Variants in IP6K2 observed in about 807,000 individuals in gnomAD.
IP6K2 encodes ATP:1D-myo-inositol-hexakisphosphate phosphotransferase.
A neutral mutation model predicts 43.3 loss-of-function variants in IP6K2; 9 were observed. The observed-to-expected ratio is 0.21, with a 90% CI of 0.13 to 0.36. IP6K2 has a LOEUF of 0.36. Ranked by LOEUF, IP6K2 falls within the 10% of genes least tolerant of loss-of-function variation. IP6K2 has a pLI of 1.00. For missense variants in IP6K2, 332 were observed against 538.4 expected (o/e 0.62, Z 3.79); for synonymous variants, 209 against 202.4 (o/e 1.03, Z -0.28).
intron 4 of IP6K2, among the ~76,000 whole-genome samples, chr3:48,690,587 T>C (rs917831871): frequency 6.6e-6 from 1 of 151,732 alleles, no homozygotes; most frequent in Non-Finnish European, 1.5e-5. Context: ...GTCAGGAGTT[T>C]GGATCAGCCT....
intron 1 of IP6K2, among the ~76,000 whole-genome samples, chr3:48,711,902 A>C (rs2080561853): frequency 6.6e-6 from 1 of 152,092 alleles, no homozygotes; most frequent in African/African-American, 2.4e-5. Flanking sequence ...ATATAACTCC[A>C]CAGGGCACCC....
chr3:48,713,840 G>A (rs867238925), intron 1 of IP6K2, among the ~76,000 whole-genome samples: 39 of 151,726 alleles, frequency 2.6e-4, no homozygotes, highest in Non-Finnish European at 2.5e-4. Context: ...GGCCAGGTGC[G>A]GTGCAGTGGC....
intron 1 of IP6K2, among the ~76,000 whole-genome samples, chr3:48,709,666 G>A (rs907176248): frequency 1.3e-5 from 2 of 151,944 alleles, no homozygotes; most frequent in Non-Finnish European, 2.9e-5. Flanking sequence ...GTGAAACCCC[G>A]TCTCTACTAA....
rs971403793 is a variant in IP6K2 at position 48,697,481 on chromosome 3, CCTGG to C, written c.-130-2064_-130-2061del. 1.1e-4 allele frequency among the ~76,000 whole-genome samples: 16 copies of C among 142,016 alleles called. No homozygotes were observed. The Admixed American group carries it at 1.2e-3, about 10-fold the overall frequency. 93.2% of individuals were successfully genotyped at this position (142,016 alleles called of 152,430 possible). On this transcript the variant is annotated intron_variant, in intron 1 of 5. Transcript: ENST00000328631. The stretch of plus-strand genomic sequence containing the variant: ...GCTGGGACTACAGGCACCCACCATG[CCTGG>C]CTATTTTTTTTTTTTTTTTTTTTTT...
intron 1 of IP6K2, among the ~76,000 whole-genome samples, chr3:48,714,806 C>CCACTG (rs1464622302): frequency 6.8e-6 from 1 of 147,962 alleles, no homozygotes; most frequent in Non-Finnish European, 1.5e-5. Context: ...CGAGATCGCA[C>CCACTG]CACTGCACTT....
At chr3:48,710,873 T>C (rs1156983850) in intron 1 of IP6K2, among the ~76,000 whole-genome samples, 1 of 152,176 alleles carries the variant, frequency 6.6e-6, no homozygotes, top group Non-Finnish European at 1.5e-5. Context: ...CCGCCCAAAG[T>C]GCTGGGATTA....
intron 1 of IP6K2, among the ~76,000 whole-genome samples, chr3:48,702,503 G>C (rs533489350): frequency 2.8e-4 from 42 of 151,386 alleles, no homozygotes; most frequent in African/African-American, 1.0e-3. Flanking sequence ...AAGTGCAGTG[G>C]CGTAATCACG....
chr3:48,689,202 G>A (rs1368438879), intron 5 of IP6K2, among the ~76,000 whole-genome samples: 1 of 152,202 alleles, frequency 6.6e-6, no homozygotes, highest in Non-Finnish European at 1.5e-5. Flanking sequence ...GCCCAGGCTG[G>A]AGTGCAATGG....
intron 2 of IP6K2, chr3:48,694,006 C>G: frequency 5.6e-5 from 77 of 1,384,242 alleles, no homozygotes; most frequent in Admixed American, 3.5e-4. Context: ...ACTGGCTGAA[C>G]ACCTTTCCTC....
chr3:48,696,112 T>TTGACCTCA (rs1401484489), intron 1 of IP6K2, among the ~76,000 whole-genome samples: 1 of 151,926 alleles, frequency 6.6e-6, no homozygotes, highest in Non-Finnish European at 1.5e-5. Flanking sequence ...TCTTGATCTC[T>TTGACCTCA]TGACCTCATG....
rs1010171835 is a variant in IP6K2 at position 48,688,882 on chromosome 3, A to G, written c.781-109T>C. ...GGCGGCATGTGACAGCCCAGATCAG[A>G]TAAAGTACACCAGTTGCACATGAGC... On this transcript the variant is annotated intron_variant, in intron 5 of 5. Coordinates refer to ENST00000328631, the MANE Select transcript of IP6K2 (RefSeq NM_016291.4). The surrounding 1 kb of genome is among the most constrained non-coding windows in gnomAD (Gnocchi z 5.1). The G allele has an allele frequency of 6.8e-6, 8 of 1,182,620 alleles. No homozygotes were observed. In the African/African-American group the frequency reaches 9.2e-5, roughly 14 times the overall value. The allele number at this position is 1,182,620 out of a possible 1,614,324, so 73.3% of individuals were successfully genotyped here. A position where few individuals can be genotyped will look rare whatever the true frequency, so the allele number is the denominator to read the frequency against.
intron 2 of IP6K2, chr3:48,693,997 C>T (rs1204637320): frequency 2.2e-6 from 3 of 1,368,884 alleles, no homozygotes; most frequent in South Asian, 1.9e-5. Flanking sequence ...TTACAAACGA[C>T]TGGCTGAACA....
At chr3:48,706,131 C>T (rs1179586633) in intron 1 of IP6K2, among the ~76,000 whole-genome samples, 5 of 151,864 alleles carry the variant, frequency 3.3e-5, no homozygotes, top group Non-Finnish European at 4.4e-5. Context: ...CACTTGAACC[C>T]GGGAGGCGGA....
At chr3:48,693,636 G>A (rs1575608418) in intron 2 of IP6K2, 1 of 1,120,784 alleles carries the variant, frequency 8.9e-7, no homozygotes, top group East Asian at 7.1e-5. Context: ...GGGTTAAGAA[G>A]CATCCAAGAG....
intron 1 of IP6K2, among the ~76,000 whole-genome samples, chr3:48,704,283 G>C (rs1215375100): frequency 6.6e-6 from 1 of 152,046 alleles, no homozygotes. Flanking sequence ...TAAAAATCAA[G>C]TCCACTGCTC....
Position 48,688,722 on chromosome 3 carries a change from G to A in IP6K2, c.832C>T (p.Arg278Trp), listed in dbSNP as rs1243555568. ...QLMFMNKYHG[R>W]KLSVQGFKEA... ...TTGAAGCCCTGCACCGATAGCTTCCGTCCATGGTACTTGTTCATGAACATG... is the reference window on the plus strand; with the variant it reads ...TTGAAGCCCTGCACCGATAGCTTCCATCCATGGTACTTGTTCATGAACATG... Residue 278 changes from arginine (R) to tryptophan (W), a missense_variant, in exon 6 of 6, where the codon CGG becomes TGG. Transcript: ENST00000328631. This position sits in a 1 kb window ranked among gnomAD's most constrained non-coding sequence, Gnocchi z 5.1. The A allele has an allele frequency of 3.1e-6, 5 of 1,613,924 alleles. No individual in the cohort carries two copies. Among genetic ancestry groups the A allele is most frequent in the Admixed American group, 1.7e-5 (1 of 59,996 alleles).
intron 2 of IP6K2, chr3:48,694,782 T>A (rs2078132001): frequency 1.3e-6 from 2 of 1,533,018 alleles, no homozygotes. Flanking sequence ...TCCCCCACCG[T>A]CCCCCCAGTG....
Position 48,691,485 on chromosome 3 carries a change from A to G in IP6K2, c.429-3T>C. ...CAAATTCTTCTTCTAACTTATGGCT[A>G]TAAAGAGATAAGGACCAATAAATCA... On this transcript the variant is annotated splice_region_variant and splice_polypyrimidine_tract_variant and intron_variant, in intron 3 of 5. Transcript: ENST00000328631. 1 of 1,601,252 alleles carries G rather than the reference A, an allele frequency of 6.2e-7. No homozygotes were observed. Among genetic ancestry groups the G allele is most frequent in the South Asian group, 1.1e-5 (1 of 90,170 alleles).
In IP6K2 at chr3:48,714,389, G is replaced by T. The variant is rs867593331; in HGVS notation, c.-131+2768C>A. ...GCCCTTTCTTTTTCCTTTTTTTTGT[G>T]TGTGTGTGTGTGTGTTTTTTTGAGA... On this transcript the variant is annotated intron_variant, in intron 1 of 5. Coordinates refer to ENST00000328631, the MANE Select transcript of IP6K2 (RefSeq NM_016291.4). 6.0e-4 allele frequency among the ~76,000 whole-genome samples: 90 copies of T among 150,330 alleles called. 1 individual carries two copies. The highest frequency in any genetic ancestry group is 6.9e-3 in the Middle Eastern group (2 of 290).
Sources: allele counts gnomAD v4.1 joint callset (sites outside exome capture counted in the v4.1 genomes callset), GRCh38; gene constraint gnomAD v4.1.1; non-coding constraint Gnocchi (gnomAD v3.1); transcripts MANE v1.5; gene names NCBI Gene and HGNC (gene_info 2026-07-23, HGNC 2026-07-21).